PLEKHM2: variants seen among roughly 807,000 people sequenced by gnomAD.
The protein encoded by PLEKHM2 is pleckstrin homology and RUN domain containing M2.
In PLEKHM2, 77 loss-of-function variants were observed where a neutral mutation model predicts 116.3. The observed-to-expected ratio is 0.66, with a 90% CI of 0.55 to 0.80. PLEKHM2 has a LOEUF of 0.80. Ranked by LOEUF, PLEKHM2 falls within the 30% of genes least tolerant of loss-of-function variation. The pLI is 0.00. For synonymous variants in PLEKHM2, 562 were observed against 571.0 expected (o/e 0.98, Z 0.22); for missense variants, 1,183 against 1,354.9 (o/e 0.87, Z 1.99).
chr1:15,715,361 G>T (rs545198893), intron 1 of PLEKHM2, among the ~76,000 whole-genome samples: 1 of 151,708 alleles, frequency 6.6e-6, no homozygotes, highest in Admixed American at 6.6e-5. Context: ...AAACAAACAG[G>T]CCGGGCACAG....
intron 18 of PLEKHM2, 21 bp downstream of exon 18, chr1:15,732,550 G>C: frequency 1.2e-6 from 2 of 1,606,626 alleles, no homozygotes; most frequent in South Asian, 2.2e-5. Context: ...AGTGGGGGCG[G>C]GGCTGCAAGG....
intron 1 of PLEKHM2, among the ~76,000 whole-genome samples, chr1:15,685,541 G>GAAAAAAAAAAAAA (rs200301672): frequency 1.1e-3 from 77 of 73,120 alleles, no homozygotes; most frequent in Non-Finnish European, 1.2e-3. Flanking sequence ...CTCAGAAACT[G>GAAAAAAAAAAAAA]AAAAAAAAAA....
Position 15,733,928 on chromosome 1 carries a change from G to A in PLEKHM2, c.3054G>A (p.Trp1018Ter), listed in dbSNP as rs1367384621. 3.1e-6 allele frequency: 5 copies of A among 1,611,672 alleles called. No individual in the cohort carries two copies. Among genetic ancestry groups the A allele is most frequent in the Non-Finnish European group, 4.2e-6 (5 of 1,179,300 alleles). ...GCGGCCGAGCCTCCCGAGACCCCTG[G>A]TGCTGAGGCAGAGCTGGTTGGCGTC... Reference protein sequence around the residue: ...LCRGRASRDPWC With the variant: ...LCRGRASRDP Residue 1018 changes from tryptophan (W) to a stop codon, truncating the protein, a stop_gained, in exon 20 of 20, where the codon TGG becomes TGA. Coordinates refer to ENST00000375799, the MANE Select transcript of PLEKHM2 (RefSeq NM_015164.4). LOFTEE classifies it high-confidence loss of function.
In PLEKHM2 at chr1:15,728,786, GC is replaced by G; in HGVS notation, c.1986+55del. 2 of 1,496,498 alleles carry G rather than the reference GC, an allele frequency of 1.3e-6. No homozygotes were observed. The highest frequency in any genetic ancestry group is 1.8e-6 in the Non-Finnish European group (2 of 1,089,754). 92.7% of individuals were successfully genotyped at this position (1,496,498 alleles called of 1,614,324 possible). A position where few individuals can be genotyped will look rare whatever the true frequency, so the allele number is the denominator to read the frequency against. On this transcript the variant is annotated intron_variant, in intron 12 of 19. Transcript: ENST00000375799. This position sits in a 1 kb window ranked among gnomAD's most constrained non-coding sequence, Gnocchi z 5.9. The stretch of plus-strand genomic sequence containing the variant: ...CTGCTGTAGGTACAGGGCTTCTCAA[GC>G]CACTTACCCATAGAACTGCAGGGCG...
At position 15,721,268 on chromosome 1, in the gene PLEKHM2, C is replaced by T. The variant is rs1054024330; in HGVS notation, c.653-61C>T. On this transcript the variant is annotated intron_variant, in intron 6 of 19. Transcript: ENST00000375799. This position sits in a 1 kb window ranked among gnomAD's most constrained non-coding sequence, Gnocchi z 5.1. ...TCCCACCCCATTTCCCCTCCCCTCC[C>T]TCCAGTCATCCTTCCACTGCCTGTG... is the stretch of plus-strand genomic sequence containing the variant. The T allele has an allele frequency of 8.8e-6, 9 of 1,020,508 alleles. No homozygotes were observed. In the Admixed American group the frequency reaches 1.0e-4, roughly 11 times the overall value. The allele number at this position is 1,020,508 out of a possible 1,614,324, so 63.2% of individuals were successfully genotyped here. A position where few individuals can be genotyped will look rare whatever the true frequency, so the allele number is the denominator to read the frequency against.
At position 15,727,743 on chromosome 1, in the gene PLEKHM2, G is replaced by T. The variant is rs373878060; in HGVS notation, c.1671G>T (p.Gln557His). 3 of 1,602,508 alleles carry T rather than the reference G, an allele frequency of 1.9e-6. No homozygotes were observed. ...TTCTCTGCCAGCTCAAGCGAGACCA[G>T]CCCAGCCCGTGTCTGAGTAGCGCTG... The part of the protein sequence containing the change: ...QEVLCQLKRD[Q>H]PSPCLSSAED... Residue 557 changes from glutamine to histidine, a missense_variant, in exon 9 of 20, where the codon CAG (glutamine) becomes CAT (histidine). Gln to His is a conservative substitution (Grantham distance 24). Coordinates refer to ENST00000375799, the MANE Select transcript of PLEKHM2 (RefSeq NM_015164.4). This position sits in a 1 kb window ranked among gnomAD's most constrained non-coding sequence, Gnocchi z 7.5.
intron 1 of PLEKHM2, among the ~76,000 whole-genome samples, chr1:15,690,034 G>A (rs957465728): frequency 6.7e-6 from 1 of 150,288 alleles, no homozygotes; most frequent in Non-Finnish European, 1.5e-5. Flanking sequence ...GGGATTACAG[G>A]TGTGAGCCAC....
rs1040771912 is a variant in PLEKHM2, at chr1:15,721,523, T to C, written c.712+135T>C. 3.3e-6 allele frequency: 2 copies of C among 597,700 alleles called. No individual in the cohort carries two copies. Among genetic ancestry groups the C allele is most frequent in the Non-Finnish European group, 5.8e-6 (2 of 344,172 alleles). 37.0% of individuals were successfully genotyped at this position (597,700 alleles called of 1,614,324 possible). On this transcript the variant is annotated intron_variant, in intron 7 of 19. Transcript: ENST00000375799. The surrounding 1 kb of genome is among the most constrained non-coding windows in gnomAD (Gnocchi z 5.1). ...CATAATAAAGCCAAGTTTGGTGTTC[T>C]AATAGATGGAATTCTGCAGTGGGAA... is the stretch of plus-strand genomic sequence containing the variant.
At chr1:15,701,953 G>T (rs72647147) in intron 1 of PLEKHM2, among the ~76,000 whole-genome samples, 6,264 of 152,302 alleles carry the variant, frequency 0.041, 183 homozygotes, top group Middle Eastern at 0.1. Flanking sequence ...GCAAGCTCGG[G>T]GGGGTAGTCG....
At position 15,728,783 on chromosome 1, in the gene PLEKHM2, CA is replaced by C. The variant is rs2068100016; in HGVS notation, c.1986+52del. The C allele has an allele frequency of 6.7e-7, 1 of 1,502,372 alleles. No homozygotes were observed. The highest frequency in any genetic ancestry group is 1.2e-5 in the South Asian group (1 of 84,708). 93.1% of individuals were successfully genotyped at this position (1,502,372 alleles called of 1,614,324 possible). On this transcript the variant is annotated intron_variant, in intron 12 of 19. Transcript: ENST00000375799. The surrounding 1 kb of genome is among the most constrained non-coding windows in gnomAD (Gnocchi z 5.9). ...CGCCTGCTGTAGGTACAGGGCTTCT[CA>C]AGCCACTTACCCATAGAACTGCAGG... is the stretch of plus-strand genomic sequence containing the variant.
intron 6 of PLEKHM2, chr1:15,720,555 G>A (rs758185052): frequency 4.6e-6 from 4 of 869,328 alleles, no homozygotes; most frequent in Non-Finnish European, 5.5e-6. Context: ...TTAGGCCCTG[G>A]TGTTCATGGA....
At chr1:15,702,481 T>A (rs1337388188) in intron 1 of PLEKHM2, among the ~76,000 whole-genome samples, 1 of 151,968 alleles carries the variant, frequency 6.6e-6, no homozygotes, top group East Asian at 1.9e-4. Context: ...AGTGGCACAA[T>A]CTCAGCTCAC....
chr1:15,730,791 G>A lies in PLEKHM2; in HGVS notation c.2399+69G>A, dbSNP rs575060954. 465 of 1,309,586 alleles carry A rather than the reference G, an allele frequency of 3.6e-4. 2 individuals carry two copies. In the African/African-American group the frequency reaches 5.3e-3, roughly 15 times the overall value. The allele number at this position is 1,309,586 out of a possible 1,614,324, so 81.1% of individuals were successfully genotyped here. On this transcript the variant is annotated intron_variant, in intron 15 of 19. Coordinates refer to ENST00000375799, the MANE Select transcript of PLEKHM2 (RefSeq NM_015164.4). Reference sequence around the variant, plus strand: ...GTGGCTGGGCTGTCAGGTCCCCAGCGGGGATCTCTCCGCAGCAGGTCACTG... The same window carrying A: ...GTGGCTGGGCTGTCAGGTCCCCAGCAGGGATCTCTCCGCAGCAGGTCACTG...
chr1:15,732,752 A>G, intron 19 of PLEKHM2, 24 bp downstream of exon 19: 1 of 1,495,926 alleles, frequency 6.7e-7, no homozygotes, highest in Non-Finnish European at 9.2e-7. Flanking sequence ...CAGGAAACCC[A>G]TTAGCCAGGG....
chr1:15,726,421 G>C (rs910062005), intron 8 of PLEKHM2, among the ~76,000 whole-genome samples: 4 of 152,312 alleles, frequency 2.6e-5, no homozygotes, highest in Middle Eastern at 3.4e-3. Context: ...TGAGGCGGGG[G>C]ATTGCTCCCC....
chr1:15,717,683 C>T (rs1268534151), intron 3 of PLEKHM2, among the ~76,000 whole-genome samples: 1 of 152,204 alleles, frequency 6.6e-6, no homozygotes, highest in Non-Finnish European at 1.5e-5. Context: ...GCAGTCTGCC[C>T]TCTTTATCAG....
intron 19 of PLEKHM2, among the ~76,000 whole-genome samples, 200 bp downstream of exon 19, chr1:15,732,928 T>C (rs1441508191): frequency 1.3e-5 from 2 of 152,222 alleles, no homozygotes; most frequent in African/African-American, 4.8e-5. Flanking sequence ...GAGTCCTCAC[T>C]GTCCTTGCCG....
intron 3 of PLEKHM2, 88 bp downstream of exon 3, chr1:15,716,904 G>C (rs1020064140): frequency 2.6e-5 from 40 of 1,510,814 alleles, no homozygotes; most frequent in Non-Finnish European, 2.9e-5. Context: ...TACCCTCAGG[G>C]TCAGCCCTGG....
At chr1:15,712,635 T>C (rs1382978851) in intron 1 of PLEKHM2, among the ~76,000 whole-genome samples, 1 of 151,680 alleles carries the variant, frequency 6.6e-6, no homozygotes. Flanking sequence ...GAATATAGCA[T>C]GATCTTATTT....
Sources: gnomAD v4.1 joint callset for allele counts (sites outside exome capture counted in the v4.1 genomes callset) on GRCh38, gnomAD v4.1.1 for gene constraint, Gnocchi (gnomAD v3.1) non-coding constraint, MANE v1.5 for transcripts, NCBI Gene and HGNC (gene_info 2026-07-23, HGNC 2026-07-21) for gene names.